Variants in ANGPT1 observed in about 807,000 individuals in gnomAD.
ANGPT1 encodes angiopoietin-1.
In ANGPT1, 17 loss-of-function variants were observed where a neutral mutation model predicts 62.2. That is an observed-to-expected ratio of 0.27 (90% CI 0.19 to 0.41). The LOEUF is 0.41. ANGPT1 is among the 10% of genes least tolerant of loss of function. The probability of loss-of-function intolerance (pLI) is 1.00; values close to 1 mark genes in which losing one functional copy is unlikely to be tolerated. For missense variants in ANGPT1, 478 were observed against 594.9 expected (o/e 0.80, Z 2.04); for synonymous variants, 199 against 198.9 (o/e 1.00, Z 0.00).
At chr8:107,267,483 T>G (rs532490815) in intron 7 of ANGPT1, among the ~76,000 whole-genome samples, 1 of 152,126 alleles carries the variant, frequency 6.6e-6, no homozygotes, top group Non-Finnish European at 1.5e-5. Context: ...AGGCTATCAG[T>G]AAAGAGACAT....
chr8:107,382,476 T>C (rs941552561), intron 1 of ANGPT1, among the ~76,000 whole-genome samples: 11 of 152,046 alleles, frequency 7.2e-5, no homozygotes, highest in Non-Finnish European at 1.6e-4. Flanking sequence ...ATGTGCTCCA[T>C]AGCACCAGGG....
chr8:107,258,897 T>A (rs1291271168), intron 8 of ANGPT1, among the ~76,000 whole-genome samples: 1 of 152,202 alleles, frequency 6.6e-6, no homozygotes, highest in African/African-American at 2.4e-5. Flanking sequence ...TTCACCAGAA[T>A]AATTTGTAAT....
chr8:107,381,073 T>C (rs560297779), intron 1 of ANGPT1, among the ~76,000 whole-genome samples: 2 of 152,340 alleles, frequency 1.3e-5, no homozygotes, highest in African/African-American at 4.8e-5. Flanking sequence ...CTTTAGTGTT[T>C]TAACTCCATC....
At chr8:107,489,781 C>G (rs1812909668) in intron 1 of ANGPT1, among the ~76,000 whole-genome samples, 1 of 152,010 alleles carries the variant, frequency 6.6e-6, no homozygotes, top group African/African-American at 2.4e-5. Flanking sequence ...GAGATGCCCT[C>G]CCTCCCTCAG....
At chr8:107,255,050 G>A (rs551328452) in intron 8 of ANGPT1, among the ~76,000 whole-genome samples, 6 of 152,044 alleles carry the variant, frequency 3.9e-5, no homozygotes, top group Non-Finnish European at 7.4e-5. Context: ...ATAGGGATAG[G>A]GGACAGAAAT....
At chr8:107,373,458 T>C (rs148552260) in intron 1 of ANGPT1, among the ~76,000 whole-genome samples, 3 of 152,318 alleles carry the variant, frequency 2.0e-5, no homozygotes, top group South Asian at 2.1e-4. Flanking sequence ...GGAAACTGGA[T>C]AGCAAATGCA....
At chr8:107,409,135 T>C (rs940921353) in intron 1 of ANGPT1, among the ~76,000 whole-genome samples, 4 of 152,232 alleles carry the variant, frequency 2.6e-5, no homozygotes, top group Non-Finnish European at 5.9e-5. Flanking sequence ...AAAAATCAAA[T>C]GGCTTCAGAT....
chr8:107,283,910 G>C (rs1814075216), intron 7 of ANGPT1: 1 of 152,166 alleles, frequency 6.6e-6, no homozygotes, highest in African/African-American at 2.4e-5. Context: ...GCTTGACTTT[G>C]ACGTCTGTAA....
intron 8 of ANGPT1, among the ~76,000 whole-genome samples, chr8:107,257,605 C>G (rs926622242): frequency 3.3e-5 from 5 of 152,144 alleles, no homozygotes; most frequent in African/African-American, 1.2e-4. Flanking sequence ...TTCTAATCAG[C>G]AGTATGCAAA....
At chr8:107,432,392 C>T (rs1010453937) in intron 1 of ANGPT1, among the ~76,000 whole-genome samples, 12 of 152,114 alleles carry the variant, frequency 7.9e-5, no homozygotes, top group Non-Finnish European at 1.3e-4. Context: ...AGGCTGGGCA[C>T]GGTGGCTCAC....
chr8:107,275,126 C>T (rs537061628), intron 7 of ANGPT1, among the ~76,000 whole-genome samples: 186 of 152,168 alleles, frequency 1.2e-3, no homozygotes, highest in Middle Eastern at 0.01. Context: ...TCCACAGTAG[C>T]TTGCATATTG....
intron 1 of ANGPT1, among the ~76,000 whole-genome samples, chr8:107,365,326 C>T (rs1046411355): frequency 6.6e-6 from 1 of 152,130 alleles, no homozygotes; most frequent in Non-Finnish European, 1.5e-5. Context: ...TGCTCTCCCC[C>T]ATGAGAAGTA....
intron 1 of ANGPT1, among the ~76,000 whole-genome samples, chr8:107,481,197 C>T (rs1210266796): frequency 6.6e-6 from 1 of 152,078 alleles, no homozygotes; most frequent in Non-Finnish European, 1.5e-5. Context: ...CCTTACAGTC[C>T]TGATTTGGCT....
At position 107,497,671 on chromosome 8, in the gene ANGPT1, C is replaced by T. The variant is rs1223722003; in HGVS notation, c.-113G>A. The T allele has an allele frequency of 2.6e-6, 3 of 1,141,936 alleles. No homozygotes were observed. The highest frequency in any genetic ancestry group is 3.6e-6 in the Non-Finnish European group (3 of 834,814). The allele number at this position is 1,141,936 out of a possible 1,614,324, so 70.7% of individuals were successfully genotyped here. ...ACTGCTTGTTTGTTTGACTCTTTCC[C>T]CCTCAAAGAAAGCGTTTGAAGAAGA... On this transcript the variant is annotated 5_prime_UTR_variant, in exon 1 of 9. Coordinates refer to ENST00000517746, the MANE Select transcript of ANGPT1 (RefSeq NM_001146.5).
chr8:107,255,811 G>C (rs1393525230), intron 8 of ANGPT1, among the ~76,000 whole-genome samples: 1 of 152,112 alleles, frequency 6.6e-6, no homozygotes, highest in East Asian at 1.9e-4. Flanking sequence ...AGTGCCAGCT[G>C]TAAGTTATCT....
intron 4 of ANGPT1, among the ~76,000 whole-genome samples, chr8:107,321,362 CTTAATAAACATTT>C (rs1396981284): frequency 6.6e-6 from 1 of 152,100 alleles, no homozygotes; most frequent in African/African-American, 2.4e-5. Context: ...CACAAGTGAT[CTTAATAAACATTT>C]TTAATAACAA....
rs548464673 is a variant in ANGPT1, at chr8:107,269,517, G to A, written c.1206-5166C>T. On this transcript the variant is annotated intron_variant, in intron 7 of 8. Coordinates refer to ENST00000517746, the MANE Select transcript of ANGPT1 (RefSeq NM_001146.5). The stretch of plus-strand genomic sequence containing the variant: ...CAGGATGGCTTTGCACCTGACTACC[G>A]TGACAGTGAATTGGAAGTGTGAAAC... 4.6e-5 allele frequency among the ~76,000 whole-genome samples: 7 copies of A among 152,092 alleles called. No homozygotes were observed. In the East Asian group the frequency reaches 5.8e-4, roughly 13 times the overall value.
intron 1 of ANGPT1, among the ~76,000 whole-genome samples, chr8:107,442,772 T>C (rs923785113): frequency 6.6e-6 from 1 of 152,210 alleles, no homozygotes; most frequent in Non-Finnish European, 1.5e-5. Context: ...TCTTACAGTA[T>C]AGAAGTATTG....
At chr8:107,409,515 G>A (rs905963445) in intron 1 of ANGPT1, among the ~76,000 whole-genome samples, 1 of 152,048 alleles carries the variant, frequency 6.6e-6, no homozygotes, top group African/African-American at 2.4e-5. Flanking sequence ...AATCAGTTCA[G>A]CTTGAACAGC....
Sources: allele counts gnomAD v4.1 joint callset (sites outside exome capture counted in the v4.1 genomes callset), GRCh38; gene constraint gnomAD v4.1.1; transcripts MANE v1.5; gene names NCBI Gene and HGNC (gene_info 2026-07-23, HGNC 2026-07-21).